The following SLC13A3 variants were observed in gnomAD, a reference collection of about 807,000 sequenced individuals.
SLC13A3 encodes the protein Na(+)/dicarboxylate cotransporter 3.
A neutral mutation model predicts 59.0 loss-of-function variants in SLC13A3; 40 were observed. The observed-to-expected ratio is 0.68, with a 90% CI of 0.53 to 0.88. The LOEUF (loss-of-function observed/expected upper bound fraction) is 0.88, where lower values mean the gene tolerates loss of function less well. SLC13A3 is among the 40% of genes least tolerant of loss of function. The pLI is 0.00. For missense variants in SLC13A3, 699 were observed against 783.2 expected, an observed-to-expected ratio of 0.89 and a Z score of 1.28; for synonymous variants, 317 against 330.3, an observed-to-expected ratio of 0.96 and a Z score of 0.44.
chr20:46,649,037 G>A (rs376382814), intron 1 of SLC13A3, among the ~76,000 whole-genome samples: 5 of 151,854 alleles, frequency 3.3e-5, no homozygotes, highest in South Asian at 2.1e-4. Flanking sequence ...ACCTAACCCC[G>A]CTGAGTTTCC....
intron 10 of SLC13A3, among the ~76,000 whole-genome samples, chr20:46,575,061 A>C (rs1301567053): frequency 6.6e-6 from 1 of 152,032 alleles, no homozygotes; most frequent in Non-Finnish European, 1.5e-5. Flanking sequence ...GAATTGATTA[A>C]GCCCGGCAGG....
At chr20:46,632,728 T>C (rs1174382093) in intron 1 of SLC13A3, among the ~76,000 whole-genome samples, 2 of 152,118 alleles carry the variant, frequency 1.3e-5, no homozygotes, top group African/African-American at 2.4e-5. Context: ...AGAGTTATTG[T>C]TGGAAGGATT....
intron 1 of SLC13A3, among the ~76,000 whole-genome samples, chr20:46,683,077 C>G (rs2063161052): frequency 6.6e-6 from 1 of 152,176 alleles, no homozygotes; most frequent in South Asian, 2.1e-4. Flanking sequence ...CTGCCACTCT[C>G]CCTCTTGATA....
intron 4 of SLC13A3, among the ~76,000 whole-genome samples, chr20:46,597,432 T>C (rs867533126): frequency 1.3e-5 from 2 of 152,166 alleles, no homozygotes; most frequent in Non-Finnish European, 2.9e-5. Context: ...TATTTTATTA[T>C]TTATTTTTAT....
intron 1 of SLC13A3, among the ~76,000 whole-genome samples, chr20:46,637,549 C>T (rs930383553): frequency 7.9e-5 from 12 of 152,142 alleles, no homozygotes; most frequent in African/African-American, 2.7e-4. Flanking sequence ...CTATAATGCC[C>T]TTCCAGACCC....
intron 5 of SLC13A3, among the ~76,000 whole-genome samples, chr20:46,592,911 C>T (rs929835107): frequency 6.6e-6 from 1 of 152,128 alleles, no homozygotes; most frequent in South Asian, 2.1e-4. Context: ...GCCAGTAAGC[C>T]CAGGTTTGGG....
intron 12 of SLC13A3, among the ~76,000 whole-genome samples, chr20:46,562,688 T>C (rs1466883796): frequency 1.3e-5 from 2 of 152,214 alleles, no homozygotes; most frequent in East Asian, 1.9e-4. Flanking sequence ...GAACATAGAA[T>C]GCACTCAGTA....
intron 2 of SLC13A3, among the ~76,000 whole-genome samples, chr20:46,612,192 C>G (rs1321058923): frequency 1.6e-5 from 2 of 122,544 alleles, no homozygotes; most frequent in African/African-American, 6.5e-5. Context: ...CAGTGAGTGG[C>G]GTGATCTTGG....
intron 4 of SLC13A3, among the ~76,000 whole-genome samples, chr20:46,598,358 C>G (rs2062336292): frequency 6.6e-6 from 1 of 152,278 alleles, no homozygotes; most frequent in East Asian, 1.9e-4. Flanking sequence ...CCTGGGGACC[C>G]TAACCATCCT....
chr20:46,608,782 T>C, intron 3 of SLC13A3: 1 of 1,358,152 alleles, frequency 7.4e-7, no homozygotes, highest in Non-Finnish European at 9.7e-7. Context: ...AAACCTATGG[T>C]TTCATGGATA....
intron 10 of SLC13A3, among the ~76,000 whole-genome samples, chr20:46,572,196 C>T (rs1439677113): frequency 2.0e-5 from 3 of 152,162 alleles, no homozygotes; most frequent in African/African-American, 7.2e-5. Flanking sequence ...TGGATTGCAT[C>T]CAGGGACCTC....
chr20:46,671,384 C>T (rs950721209), upstream of SLC13A3, among the ~76,000 whole-genome samples: 7 of 152,152 alleles, frequency 4.6e-5, no homozygotes, highest in Non-Finnish European at 8.8e-5. Context: ...CCCTTCCCTT[C>T]CATGGGGGTG....
chr20:46,576,525 A>G lies in SLC13A3; in HGVS notation c.1220-840T>C, dbSNP rs112761456. The stretch of plus-strand genomic sequence containing the variant: ...GTCCCTGTGAACACGAACCAGGACA[A>G]TGATGCATCTGCAGGGAGATGAGGC... On this transcript the variant is annotated intron_variant, in intron 9 of 12. Transcript: ENST00000279027. Among the ~76,000 whole-genome samples, 1,185 of 152,314 alleles carry G rather than the reference A, an allele frequency of 7.8e-3. 11 individuals are homozygous for G. The highest frequency in any genetic ancestry group is 0.02 in the Middle Eastern group (6 of 294).
intron 3 of SLC13A3, among the ~76,000 whole-genome samples, chr20:46,601,432 C>A (rs1245116732): frequency 6.6e-6 from 1 of 152,072 alleles, no homozygotes. Context: ...GAACCCAGAG[C>A]CAAAACTGGG....
At chr20:46,637,094 C>T (rs901298580) in intron 1 of SLC13A3, among the ~76,000 whole-genome samples, 2 of 152,124 alleles carry the variant, frequency 1.3e-5, no homozygotes, top group African/African-American at 2.4e-5. Context: ...CCACCGCGCC[C>T]GGCCTGACAT....
At chr20:46,565,931 T>TTC (rs1600493190) in intron 11 of SLC13A3, among the ~76,000 whole-genome samples, 2 of 152,342 alleles carry the variant, frequency 1.3e-5, no homozygotes, top group East Asian at 3.9e-4. Flanking sequence ...GATTTTCTAC[T>TTC]TCTTCTTCAT....
intron 10 of SLC13A3, among the ~76,000 whole-genome samples, chr20:46,573,730 G>A (rs2062048946): frequency 6.6e-6 from 1 of 152,208 alleles, no homozygotes; most frequent in Admixed American, 6.5e-5. Flanking sequence ...AACCCAGAGA[G>A]GTTAAGAAAC....
chr20:46,639,617 A>C (rs2062828004), intron 1 of SLC13A3, among the ~76,000 whole-genome samples: 1 of 152,158 alleles, frequency 6.6e-6, no homozygotes, highest in Non-Finnish European at 1.5e-5. Flanking sequence ...CTCCCACTCC[A>C]GTGTCTGGAT....
At chr20:46,627,567 C>A (rs1340717085) in intron 1 of SLC13A3, among the ~76,000 whole-genome samples, 1 of 151,906 alleles carries the variant, frequency 6.6e-6, no homozygotes, top group East Asian at 1.9e-4. Flanking sequence ...AATTTTGCTT[C>A]TATGTGAAAT....
Sources: gnomAD v4.1 joint callset for allele counts (sites outside exome capture counted in the v4.1 genomes callset) on GRCh38, gnomAD v4.1.1 for gene constraint, MANE v1.5 for transcripts, NCBI Gene and HGNC (gene_info 2026-07-23, HGNC 2026-07-21) for gene names.